Variants in CDK5 observed in about 807,000 individuals in gnomAD.
CDK5 encodes the protein cyclin-dependent kinase 5.
CDK5 carries 18 observed loss-of-function variants against 44.6 expected under a neutral mutation model. That is an observed-to-expected ratio of 0.40 (90% CI 0.28 to 0.60). The LOEUF is 0.60. Among genes scored for constraint, CDK5 ranks in the 20% least tolerant of loss-of-function variants. The probability of loss-of-function intolerance (pLI) is 0.38; values close to 1 mark genes in which losing one functional copy is unlikely to be tolerated. For missense variants in CDK5, 198 were observed against 368.1 expected, an observed-to-expected ratio of 0.54 and a Z score of 3.78; for synonymous variants, 143 against 152.8, an observed-to-expected ratio of 0.94 and a Z score of 0.47.
rs2150361247 is a variant in CDK5, at chr7:151,054,972, A to G, written c.650+55T>C. The G allele has an allele frequency of 6.3e-7, 1 of 1,579,498 alleles. No homozygotes were observed. The highest frequency in any genetic ancestry group is 8.7e-7 in the Non-Finnish European group (1 of 1,149,778). Reference sequence around the variant, plus strand: ...CACTGCCCTCACCCATTGTGCTCAAAACTCCATGGACTCTCCCCTCCCAGA... The same window carrying G: ...CACTGCCCTCACCCATTGTGCTCAAGACTCCATGGACTCTCCCCTCCCAGA... On this transcript the variant is annotated intron_variant, in intron 9 of 11. Transcript: ENST00000485972. The surrounding 1 kb of genome is among the most constrained non-coding windows in gnomAD (Gnocchi z 5.7).
At position 151,057,896 on chromosome 7, in the gene CDK5, G is replaced by T; in HGVS notation, c.-48C>A. 1 of 1,569,968 alleles carries T rather than the reference G, an allele frequency of 6.4e-7. No homozygotes were observed. Among genetic ancestry groups the T allele is most frequent in the Non-Finnish European group, 8.6e-7 (1 of 1,157,302 alleles). ...GCGGGCCCTCGGTTTTAAGACTCTG[G>T]CCCCGGCGTTGCAGAGGAGGCGGCA... is the stretch of plus-strand genomic sequence containing the variant. On this transcript the variant is annotated 5_prime_UTR_variant, in exon 1 of 12. Transcript: ENST00000485972. This position sits in a 1 kb window ranked among gnomAD's most constrained non-coding sequence, Gnocchi z 5.2.
chr7:151,055,245 G>A, intron 8 of CDK5, 32 bp downstream of exon 8: 2 of 1,593,230 alleles, frequency 1.3e-6, no homozygotes, highest in Non-Finnish European at 1.7e-6. Flanking sequence ...AAATGGGAAA[G>A]AAGGTGCCTC....
rs547658726 is a variant in CDK5 at position 151,057,849 on chromosome 7, C to T, written c.-1G>A. ...TTTCCAGTTTCTCGTATTTCTGCAT[C>T]GCGGCGGCCGCGGGGACCCCTGCGG... On this transcript the variant is annotated 5_prime_UTR_variant, in exon 1 of 12. Coordinates refer to ENST00000485972, the MANE Select transcript of CDK5 (RefSeq NM_004935.4). This position sits in a 1 kb window ranked among gnomAD's most constrained non-coding sequence, Gnocchi z 5.2. The T allele has an allele frequency of 3.1e-6, 5 of 1,610,010 alleles. No homozygotes were observed. Among genetic ancestry groups the T allele is most frequent in the Non-Finnish European group, 4.2e-6 (5 of 1,178,284 alleles).
In CDK5 at chr7:151,055,111, G is replaced by A. The variant is rs1338997576; in HGVS notation, c.581-15C>T. On this transcript the variant is annotated splice_polypyrimidine_tract_variant and intron_variant, in intron 8 of 11. Coordinates refer to ENST00000485972, the MANE Select transcript of CDK5 (RefSeq NM_004935.4). ...ATTGGCCAGCTCTGGGGGATAGACA[G>A]GGGGCTAAGATGTGACATGTGAAGG... The A allele has an allele frequency of 1.2e-6, 2 of 1,607,230 alleles. No homozygotes were observed. The highest frequency in any genetic ancestry group is 1.7e-5 in the Admixed American group (1 of 59,548).
rs909197421 is a variant in CDK5, at chr7:151,056,253, T to G, written c.312+327A>C. Reference sequence around the variant, plus strand: ...GAACCTGGACCAAGGCATTTGGTCTTGGGCCTAGAAAAGCACCTGGCACAC... The same window carrying G: ...GAACCTGGACCAAGGCATTTGGTCTGGGGCCTAGAAAAGCACCTGGCACAC... On this transcript the variant is annotated intron_variant, in intron 5 of 11. Coordinates refer to ENST00000485972, the MANE Select transcript of CDK5 (RefSeq NM_004935.4). This position sits in a 1 kb window ranked among gnomAD's most constrained non-coding sequence, Gnocchi z 4.7. The G allele has an allele frequency of 9.3e-6, 5 of 536,684 alleles. No individual in the cohort carries two copies. The highest frequency in any genetic ancestry group is 1.9e-5 in the African/African-American group (1 of 52,852). 33.2% of individuals were successfully genotyped at this position (536,684 alleles called of 1,614,324 possible).
Position 151,057,896 on chromosome 7 carries a change from G to A in CDK5, c.-48C>T. On this transcript the variant is annotated 5_prime_UTR_variant, in exon 1 of 12. Transcript: ENST00000485972. This position sits in a 1 kb window ranked among gnomAD's most constrained non-coding sequence, Gnocchi z 5.2. ...GCGGGCCCTCGGTTTTAAGACTCTG[G>A]CCCCGGCGTTGCAGAGGAGGCGGCA... is the stretch of plus-strand genomic sequence containing the variant. The A allele has an allele frequency of 1.3e-6, 2 of 1,569,968 alleles. No individual in the cohort carries two copies. The highest frequency in any genetic ancestry group is 1.4e-5 in the African/African-American group (1 of 73,870).
At position 151,054,384 on chromosome 7, in the gene CDK5, C is replaced by T; in HGVS notation, c.711+21G>A. On this transcript the variant is annotated intron_variant, in intron 10 of 11. Transcript: ENST00000485972. The surrounding 1 kb of genome is among the most constrained non-coding windows in gnomAD (Gnocchi z 5.7). ...AACGAGTGACCCTGATGAACCATGA[C>T]CCCCACATTCCCCATCACACCTTAT... is the stretch of plus-strand genomic sequence containing the variant. 6.2e-7 allele frequency: 1 copy of T among 1,612,890 alleles called. No individual in the cohort carries two copies. Among genetic ancestry groups the T allele is most frequent in the East Asian group, 2.2e-5 (1 of 44,854 alleles).
chr7:151,056,667 C>G lies in CDK5; in HGVS notation c.256-31G>C. On this transcript the variant is annotated intron_variant, in intron 4 of 11. Coordinates refer to ENST00000485972, the MANE Select transcript of CDK5 (RefSeq NM_004935.4). This position sits in a 1 kb window ranked among gnomAD's most constrained non-coding sequence, Gnocchi z 4.7. Reference sequence around the variant, plus strand: ...AAGGGATATGAGTGGGGGAATGGGACAGAGTTTAACCTCAATCTGGGCCCC... The same window carrying G: ...AAGGGATATGAGTGGGGGAATGGGAGAGAGTTTAACCTCAATCTGGGCCCC... The G allele has an allele frequency of 6.2e-7, 1 of 1,611,790 alleles. No individual in the cohort carries two copies. Among genetic ancestry groups the G allele is most frequent in the Non-Finnish European group, 8.5e-7 (1 of 1,178,728 alleles).
In CDK5 at chr7:151,057,222, G is replaced by GC; in HGVS notation, c.38-63dup. On this transcript the variant is annotated intron_variant, in intron 1 of 11. Coordinates refer to ENST00000485972, the MANE Select transcript of CDK5 (RefSeq NM_004935.4). The surrounding 1 kb of genome is among the most constrained non-coding windows in gnomAD (Gnocchi z 5.2). ...GGCACTCTTCCCTAAGCCAGGAAATGCCTCCTGAGAGAGGTGAAGGCAGCG... is the reference window on the plus strand; with the variant it reads ...GGCACTCTTCCCTAAGCCAGGAAATGCCCTCCTGAGAGAGGTGAAGGCAGCG... 7.9e-7 allele frequency: 1 copy of GC among 1,263,246 alleles called. No individual in the cohort carries two copies. The highest frequency in any genetic ancestry group is 1.2e-5 in the South Asian group (1 of 84,150). The allele number at this position is 1,263,246 out of a possible 1,614,324, so 78.3% of individuals were successfully genotyped here.
chr7:151,055,476 G>A, intron 7 of CDK5, 56 bp downstream of exon 7: 1 of 1,576,056 alleles, frequency 6.3e-7, no homozygotes, highest in Middle Eastern at 1.7e-4. Context: ...TTTGGGTCCT[G>A]GGGTTGGAGC....
Position 151,055,802 on chromosome 7 carries a change from C to A in CDK5, c.359G>T (p.Arg120Leu). ...LLKGLGFCHS[R>L]NVLHRDLKPQ... Reference sequence around the variant, plus strand: ...CTTCAGGTCCCTGTGTAGCACATTGCGGCTATGACAGAATCCCAGCCCTTT... The same window carrying A: ...CTTCAGGTCCCTGTGTAGCACATTGAGGCTATGACAGAATCCCAGCCCTTT... Residue 120 changes from arginine to leucine, a missense_variant, in exon 6 of 12, where the codon CGC becomes CTC. Physicochemically the swap from Arg to Leu is moderately radical, Grantham distance 102. Transcript: ENST00000485972. 1 of 1,611,962 alleles carries A rather than the reference C, an allele frequency of 6.2e-7. No homozygotes were observed. Among genetic ancestry groups the A allele is most frequent in the South Asian group, 1.1e-5 (1 of 90,670 alleles).
rs958764499 is a variant in CDK5, at chr7:151,054,589, T to C, written c.651-124A>G. The C allele has an allele frequency of 2.0e-5, 18 of 900,450 alleles. No individual in the cohort carries two copies. The African/African-American group carries it at 3.0e-4, about 15-fold the overall frequency. 55.8% of individuals were successfully genotyped at this position (900,450 alleles called of 1,614,324 possible). A position where few individuals can be genotyped will look rare whatever the true frequency, so the allele number is the denominator to read the frequency against. On this transcript the variant is annotated intron_variant, in intron 9 of 11. Transcript: ENST00000485972. This position sits in a 1 kb window ranked among gnomAD's most constrained non-coding sequence, Gnocchi z 5.7. ...CCCACCGCCCACTTCTCACCCTCCC[T>C]TTACCCTCCGGCTTGAGCTTGACAG...
In CDK5 at chr7:151,056,931, C is replaced by T. The variant is rs1453514588; in HGVS notation, c.171G>A (p.Glu57=). Residue 57 remains glutamate, a synonymous_variant, in exon 3 of 12, where the codon GAG becomes GAA. Coordinates refer to ENST00000485972, the MANE Select transcript of CDK5 (RefSeq NM_004935.4). This position sits in a 1 kb window ranked among gnomAD's most constrained non-coding sequence, Gnocchi z 4.7. ...ACCTGACGATGTTCTTGTGCTTCAG[C>T]TCCTTGAGTAGGCAGATCTCCCGGA... ...SALREICLLK[E]LKHKNIVRLH... The T allele has an allele frequency of 9.9e-6, 16 of 1,613,120 alleles. No individual in the cohort carries two copies. The South Asian group carries it at 1.4e-4, about 14-fold the overall frequency.
Position 151,057,185 on chromosome 7 carries a change from G to A in CDK5, c.38-25C>T, listed in dbSNP as rs754463413. The A allele has an allele frequency of 6.4e-7, 1 of 1,567,976 alleles. No individual in the cohort carries two copies. The highest frequency in any genetic ancestry group is 1.7e-5 in the Admixed American group (1 of 59,976). The stretch of plus-strand genomic sequence containing the variant: ...CCTAGGGGAAGGAGGTCAGGGGTCA[G>A]GGTGAGGATGCGGCACTCTTCCCTA... On this transcript the variant is annotated intron_variant, in intron 1 of 11. Coordinates refer to ENST00000485972, the MANE Select transcript of CDK5 (RefSeq NM_004935.4). This position sits in a 1 kb window ranked among gnomAD's most constrained non-coding sequence, Gnocchi z 5.2.
At position 151,054,979 on chromosome 7, in the gene CDK5, T is replaced by A; in HGVS notation, c.650+48A>T. 5.7e-6 allele frequency: 9 copies of A among 1,590,080 alleles called. No homozygotes were observed. In the Middle Eastern group the frequency reaches 1.5e-3, roughly 264 times the overall value. The stretch of plus-strand genomic sequence containing the variant: ...CTCACCCATTGTGCTCAAAACTCCA[T>A]GGACTCTCCCCTCCCAGAGGGCTCA... On this transcript the variant is annotated intron_variant, in intron 9 of 11. Coordinates refer to ENST00000485972, the MANE Select transcript of CDK5 (RefSeq NM_004935.4). The surrounding 1 kb of genome is among the most constrained non-coding windows in gnomAD (Gnocchi z 5.7).
Position 151,056,299 on chromosome 7 carries a change from T to G in CDK5, c.312+281A>C. 1 of 576,762 alleles carries G rather than the reference T, an allele frequency of 1.7e-6. No individual in the cohort carries two copies. Among genetic ancestry groups the G allele is most frequent in the Non-Finnish European group, 3.1e-6 (1 of 323,888 alleles). The allele number at this position is 576,762 out of a possible 1,614,324, so 35.7% of individuals were successfully genotyped here. A position where few individuals can be genotyped will look rare whatever the true frequency, so the allele number is the denominator to read the frequency against. ...CACACAGTGAAGCATTCAGTAAGTA[T>G]GTGTTGAATGAATGAGTGTATCTCC... is the stretch of plus-strand genomic sequence containing the variant. On this transcript the variant is annotated intron_variant, in intron 5 of 11. Transcript: ENST00000485972. This position sits in a 1 kb window ranked among gnomAD's most constrained non-coding sequence, Gnocchi z 4.7.
In CDK5 at chr7:151,056,333, CA is replaced by C. The variant is rs1409461432; in HGVS notation, c.312+246del. Reference sequence around the variant, plus strand: ...TGAATGAGTGTATCTCCTTGAACCTCATTTTCTCATCTCTCGAGTGTAAATA... The same window carrying C: ...TGAATGAGTGTATCTCCTTGAACCTCTTTTCTCATCTCTCGAGTGTAAATA... On this transcript the variant is annotated intron_variant, in intron 5 of 11. Coordinates refer to ENST00000485972, the MANE Select transcript of CDK5 (RefSeq NM_004935.4). The surrounding 1 kb of genome is among the most constrained non-coding windows in gnomAD (Gnocchi z 4.7). The C allele has an allele frequency of 8.4e-6, 5 of 592,746 alleles. No homozygotes were observed. Among genetic ancestry groups the C allele is most frequent in the Non-Finnish European group, 1.5e-5 (5 of 333,038 alleles). The allele number at this position is 592,746 out of a possible 1,614,324, so 36.7% of individuals were successfully genotyped here. A position where few individuals can be genotyped will look rare whatever the true frequency, so the allele number is the denominator to read the frequency against.
chr7:151,055,474 C>T, intron 7 of CDK5, 58 bp downstream of exon 7: 1 of 1,572,892 alleles, frequency 6.4e-7, no homozygotes, highest in South Asian at 1.1e-5. Context: ...GTTTTGGGTC[C>T]TGGGGTTGGA....
Position 151,055,308 on chromosome 7 carries a change from G to A in CDK5, c.549C>T (p.Ile183=), listed in dbSNP as rs773970698. The A allele has an allele frequency of 2.5e-6, 4 of 1,613,834 alleles. No homozygotes were observed. Among genetic ancestry groups the A allele is most frequent in the South Asian group, 1.1e-5 (1 of 91,078 alleles). ...AGATGCAGCCGGCTGACCACATGTC[G>A]ATGGACGTGGAGTACAGCTTGGCCC... ...LFGAKLYSTS[I]DMWSAGCIFA... is the part of the protein sequence containing the mutation. Residue 183 remains isoleucine (I), a synonymous_variant, in exon 8 of 12, where the codon ATC becomes ATT. Transcript: ENST00000485972.
Sources: allele counts gnomAD v4.1 joint callset, GRCh38; gene constraint gnomAD v4.1.1; non-coding constraint Gnocchi (gnomAD v3.1); transcripts MANE v1.5; gene names NCBI Gene and HGNC (gene_info 2026-07-23, HGNC 2026-07-21).